SYNE1: variants seen among roughly 807,000 people sequenced by gnomAD.
SYNE1 encodes the protein spectrin repeat containing nuclear envelope protein 1, also known as nesprin-1.
In SYNE1, 616 loss-of-function variants were observed where a neutral mutation model predicts 1,111.0. The ratio of observed to expected loss-of-function variants is 0.55; its 90% CI spans 0.52 to 0.59. SYNE1 has a LOEUF of 0.59. SYNE1 is among the 20% of genes least tolerant of loss of function. The pLI is 0.00. For synonymous variants in SYNE1, 3,855 were observed against 3,825.8 expected (o/e 1.01, Z -0.28); for missense variants, 10,006 against 10,417.0 (o/e 0.96, Z 1.72).
intron 11 of SYNE1, among the ~76,000 whole-genome samples, chr6:152,494,554 C>G (rs1369736412): frequency 6.6e-6 from 1 of 152,168 alleles, no homozygotes; most frequent in Non-Finnish European, 1.5e-5. Flanking sequence ...CTGCTCCGCC[C>G]TCCTCCACTA....
chr6:152,154,445 T>TACACAC (rs56398921), intron 133 of SYNE1, among the ~76,000 whole-genome samples: 1,446 of 143,254 alleles, frequency 0.01, 19 homozygotes, highest in African/African-American at 0.023. Context: ...TTTTATCAAA[T>TACACAC]ACACACACAC....
chr6:152,168,233 T>C (rs1430487063), intron 130 of SYNE1: 1 of 737,512 alleles, frequency 1.4e-6, no homozygotes, highest in Non-Finnish European at 2.5e-6. Context: ...AGTTAGACTC[T>C]GCAGAGCAAA....
At chr6:152,277,840 CAG>C (rs1272793728) in intron 98 of SYNE1, 9 of 551,014 alleles carry the variant, frequency 1.6e-5, no homozygotes, top group Non-Finnish European at 2.3e-5. Flanking sequence ...ACTTTCATGT[CAG>C]AGTGCTTTTT....
chr6:152,418,605 A>G (rs1000312889), intron 40 of SYNE1, among the ~76,000 whole-genome samples: 58 of 152,312 alleles, frequency 3.8e-4, no homozygotes, highest in African/African-American at 1.4e-3. Context: ...GGAGTCAGAA[A>G]ATGATACCCT....
chr6:152,381,096 A>C lies in SYNE1; in HGVS notation c.8919T>G (p.Ser2973Arg). ...AQLEQALEQFSALLKTWAQQL... is the reference protein window; with the variant it reads ...AQLEQALEQFRALLKTWAQQL... ...GCTGAGCCCAGGTTTTCAGAAGGGC[A>C]CTGAACTGTTCCAGGGCCTGCTCCA... is the stretch of plus-strand genomic sequence containing the variant. The change falls in exon 56 of 146, where the codon AGT becomes AGG. Residue 2973 changes from serine to arginine, a missense_variant. Around this residue, in one of 7 missense-constraint regions of SYNE1, gnomAD observed 4,955 missense variants for 5,017.2 expected, o/e 0.99. Transcript: ENST00000367255. 1 of 1,614,202 alleles carries C rather than the reference A, an allele frequency of 6.2e-7. No homozygotes were observed.
At position 152,523,434 on chromosome 6, in the gene SYNE1, T is replaced by A. The variant is rs1430616660; in HGVS notation, c.225+2646A>T. 2.0e-5 allele frequency among the ~76,000 whole-genome samples: 3 copies of A among 152,118 alleles called. No individual in the cohort carries two copies. The East Asian group carries it at 5.8e-4, about 29-fold the overall frequency. On this transcript the variant is annotated intron_variant, in intron 5 of 145. Coordinates refer to ENST00000367255, the MANE Select transcript of SYNE1 (RefSeq NM_182961.4). ...CTATGTATCTACTTTTATACCAGTA[T>A]CATGCTGTGTTGGTAACTATAGCCT...
At chr6:152,233,062 T>C (rs1191412652) in intron 112 of SYNE1, among the ~76,000 whole-genome samples, 2 of 152,176 alleles carry the variant, frequency 1.3e-5, no homozygotes, top group African/African-American at 4.8e-5. Flanking sequence ...GAGGTGGGTG[T>C]ATTTTCAGAT....
intron 134 of SYNE1, 114 bp downstream of exon 134, chr6:152,151,845 C>A: frequency 6.7e-7 from 1 of 1,489,728 alleles, no homozygotes; most frequent in South Asian, 1.2e-5. Flanking sequence ...CCCCGGTTTA[C>A]TCCTCCTGCC....
In SYNE1 at chr6:152,176,497, G is replaced by A. The variant is rs775935265; in HGVS notation, c.23524C>T (p.Arg7842Ter). Reference sequence around the variant, plus strand: ...CTTTCATGGCTGGCTTTAGCAAGTCGTTCTCCCATTTGTTGGAGCTGTATT... The same window carrying A: ...CTTTCATGGCTGGCTTTAGCAAGTCATTCTCCCATTTGTTGGAGCTGTATT... ...NKIQLQQMGE[R>*]LAKASHESKA... The change falls in exon 130 of 146, where the codon CGA (arginine) becomes TGA (stop). Residue 7842 changes from arginine (R) to a stop codon, truncating the protein, a stop_gained. Coordinates refer to ENST00000367255, the MANE Select transcript of SYNE1 (RefSeq NM_182961.4). LOFTEE classifies it high-confidence loss of function. The A allele has an allele frequency of 3.1e-6, 5 of 1,614,110 alleles. No individual in the cohort carries two copies. Among genetic ancestry groups the A allele is most frequent in the African/African-American group, 1.3e-5 (1 of 75,004 alleles).
intron 131 of SYNE1, among the ~76,000 whole-genome samples, chr6:152,156,441 A>G (rs892988628): frequency 1.3e-5 from 2 of 152,138 alleles, no homozygotes; most frequent in South Asian, 2.1e-4. Flanking sequence ...TCAATCAATC[A>G]TCATCTCTTA....
At chr6:152,210,351 T>G (rs2077306552) in intron 124 of SYNE1, among the ~76,000 whole-genome samples, 1 of 152,214 alleles carries the variant, frequency 6.6e-6, no homozygotes. Context: ...TTTATAATAT[T>G]GTTATAGAGT....
chr6:152,217,089 T>A (rs1192324903), intron 121 of SYNE1, among the ~76,000 whole-genome samples: 15 of 125,892 alleles, frequency 1.2e-4, no homozygotes, highest in African/African-American at 1.2e-4. Flanking sequence ...CACAACTAAG[T>A]AAAACCTTTT....
Position 152,329,942 on chromosome 6 carries a change from G to A in SYNE1, c.14743C>T (p.Leu4915Phe). The A allele has an allele frequency of 6.2e-7, 1 of 1,614,164 alleles. No homozygotes were observed. Among genetic ancestry groups the A allele is most frequent in the Non-Finnish European group, 8.5e-7 (1 of 1,180,036 alleles). Residue 4915 changes from leucine to phenylalanine, a missense_variant, in exon 78 of 146, where the codon CTC becomes TTC. Physicochemically the swap from Leu to Phe is conservative, Grantham distance 22. Transcript: ENST00000367255. ...TCCTCTTGGATGTCCTGCAGGTTGA[G>A]GTCTAGGTACACCGGCCCACTGAGC... ...AELSGPVYLD[L>F]NLQDIQEEIR... is the part of the protein sequence containing the mutation.
intron 136 of SYNE1, among the ~76,000 whole-genome samples, 182 bp downstream of exon 136, chr6:152,149,295 C>T (rs1319067237): frequency 6.6e-6 from 1 of 152,100 alleles, no homozygotes; most frequent in Admixed American, 6.5e-5. Flanking sequence ...GAAGCTGAGG[C>T]AAGAAGGGTG....
At chr6:152,361,489 A>G (rs1284898836) in intron 64 of SYNE1, among the ~76,000 whole-genome samples, 3 of 152,246 alleles carry the variant, frequency 2.0e-5, no homozygotes, top group South Asian at 4.1e-4. Flanking sequence ...CAAAGTGGCA[A>G]TGAGAAAGAA....
Position 152,141,215 on chromosome 6 carries a change from T to A in SYNE1, c.25234A>T (p.Thr8412Ser), listed in dbSNP as rs1048065610. 6.2e-7 allele frequency: 1 copy of A among 1,613,522 alleles called. No individual in the cohort carries two copies. The highest frequency in any genetic ancestry group is 1.7e-5 in the Admixed American group (1 of 59,988). ...GCTACGCACTCACCAGCCGTTTGGG[T>A]TTCGGTACTATGCAGGTTAACAAAG... The part of the protein sequence containing the change: ...PGFVNLHSTE[T>S]QTAGVIDRWE... Residue 8412 changes from threonine to serine, a missense_variant, in exon 139 of 146, where the codon ACC becomes TCC. Physicochemically the swap from Thr to Ser is moderately conservative, Grantham distance 58. This residue lies in a region of SYNE1 where 761 missense variants were observed against 795.5 expected (regional missense o/e 0.96). Transcript: ENST00000367255.
intron 99 of SYNE1, among the ~76,000 whole-genome samples, chr6:152,268,398 A>AC (rs1242996071): frequency 1.3e-5 from 2 of 151,730 alleles, no homozygotes; most frequent in South Asian, 4.2e-4. Context: ...TAAAAAAAAA[A>AC]AAAAAACCAC....
At chr6:152,159,321 G>T (rs914449216) in intron 131 of SYNE1, among the ~76,000 whole-genome samples, 1 of 152,154 alleles carries the variant, frequency 6.6e-6, no homozygotes, top group African/African-American at 2.4e-5. Flanking sequence ...ATAAATCAGG[G>T]CTCTAAGGGT....
chr6:152,419,734 A>C lies in SYNE1; in HGVS notation c.5268-12T>G. 6.2e-7 allele frequency: 1 copy of C among 1,613,414 alleles called. No homozygotes were observed. Among genetic ancestry groups the C allele is most frequent in the African/African-American group, 1.3e-5 (1 of 75,014 alleles). ...GAAGAAAATTAATCCTATGTAGACA[A>C]AGTATTAAAGTTAAAATGTCCCATA... On this transcript the variant is annotated splice_polypyrimidine_tract_variant and intron_variant, in intron 39 of 145. Transcript: ENST00000367255.
Sources: gnomAD v4.1 joint callset for allele counts (sites outside exome capture counted in the v4.1 genomes callset) on GRCh38, gnomAD v4.1.1 for gene constraint, gnomAD v4.1.1 regional missense constraint, MANE v1.5 for transcripts, NCBI Gene and HGNC (gene_info 2026-07-23, HGNC 2026-07-21) for gene names.